Variants in TCN2 observed in about 807,000 individuals in gnomAD.
TCN2 encodes transcobalamin 2.
Under a neutral mutation model 48.6 loss-of-function variants are expected in TCN2, and 34 were observed. That is an observed-to-expected ratio of 0.70 (90% confidence interval 0.53 to 0.93). The LOEUF (loss-of-function observed/expected upper bound fraction) is 0.93. Ranked by LOEUF, TCN2 falls within the 40% of genes least tolerant of loss-of-function variation. The pLI is 0.00. For synonymous variants in TCN2, 283 were observed against 212.5 expected (o/e 1.33, Z -2.89); for missense variants, 652 against 526.1 (o/e 1.24, Z -2.34).
At chr22:30,614,556 C>A in intron 4 of TCN2, 55 bp downstream of exon 4, 1 of 1,610,532 alleles carries the variant, frequency 6.2e-7, no homozygotes, top group Non-Finnish European at 8.5e-7. Context: ...GTCCCCAGGT[C>A]TGCACTGATG....
At chr22:30,612,141 A>C (rs1012386169) in intron 2 of TCN2, among the ~76,000 whole-genome samples, 1 of 152,090 alleles carries the variant, frequency 6.6e-6, no homozygotes, top group Non-Finnish European at 1.5e-5. Context: ...ACTTCTCCGG[A>C]GGCAAAGGTG....
In TCN2 at chr22:30,626,772, C is replaced by T. The variant is rs2087817384; in HGVS notation, c.*251C>T. 1.7e-6 allele frequency: 1 copy of T among 589,566 alleles called. No homozygotes were observed. Among genetic ancestry groups the T allele is most frequent in the Non-Finnish European group, 3.0e-6 (1 of 329,146 alleles). 36.5% of individuals were successfully genotyped at this position (589,566 alleles called of 1,614,324 possible). On this transcript the variant is annotated 3_prime_UTR_variant, in exon 9 of 9. Transcript: ENST00000215838. Reference sequence around the variant, plus strand: ...GTCTGGCCAGCCTGGCCCTGCAGGTCTCCCATGAAGGCCACCCCATGGTCT... The same window carrying T: ...GTCTGGCCAGCCTGGCCCTGCAGGTTTCCCATGAAGGCCACCCCATGGTCT...
rs757170035 is a variant in TCN2, at chr22:30,612,929, T to C, written c.314T>C (p.Leu105Pro). 3 of 1,614,200 alleles carry C rather than the reference T, an allele frequency of 1.9e-6. No individual in the cohort carries two copies. The South Asian group carries it at 3.3e-5, about 18-fold the overall frequency. Residue 105 changes from leucine (L) to proline (P), a missense_variant, in exon 3 of 9, where the codon CTG becomes CCG. Transcript: ENST00000215838. ...CAGGGCAAGCCTTCCATGGGCCAGC[T>C]GGCCCTCTACCTGCTCGCTCTCAGA... The part of the protein sequence containing the change: ...DCQGKPSMGQ[L>P]ALYLLALRAN...
chr22:30,623,167 C>T (rs1484691797), intron 8 of TCN2, 84 bp downstream of exon 8: 41 of 1,343,026 alleles, frequency 3.1e-5, no homozygotes, highest in Non-Finnish European at 4.2e-5. Flanking sequence ...CCCCAGCTTT[C>T]CCTAGCACCC....
chr22:30,621,790 T>C (rs5753246), intron 7 of TCN2, among the ~76,000 whole-genome samples: 64,658 of 151,960 alleles, frequency 0.43, 13,960 homozygotes, highest in Non-Finnish European at 0.46. Context: ...GGCCTGACCC[T>C]GCTCTTTTGA....
rs558084644 is a variant in TCN2 at position 30,626,811 on chromosome 22, C to T, written c.*290C>T. 4 of 540,472 alleles carry T rather than the reference C, an allele frequency of 7.4e-6. No homozygotes were observed. Among genetic ancestry groups the T allele is most frequent in the South Asian group, 6.3e-5 (3 of 47,966 alleles). 33.5% of individuals were successfully genotyped at this position (540,472 alleles called of 1,614,324 possible). A position where few individuals can be genotyped will look rare whatever the true frequency, so the allele number is the denominator to read the frequency against. ...ACCCCATGGTCTGATGGGCATGAAG[C>T]ATCTCAGACTCCTTGGCAAAAAACG... On this transcript the variant is annotated 3_prime_UTR_variant, in exon 9 of 9. Coordinates refer to ENST00000215838, the MANE Select transcript of TCN2 (RefSeq NM_000355.4).
intron 7 of TCN2, among the ~76,000 whole-genome samples, chr22:30,622,629 AG>A (rs1569045423): frequency 6.6e-6 from 1 of 152,154 alleles, no homozygotes; most frequent in Non-Finnish European, 1.5e-5. Context: ...TACACATTCT[AG>A]GTGACACCAG....
At chr22:30,616,840 G>T (rs2087619045) in intron 6 of TCN2, among the ~76,000 whole-genome samples, 1 of 152,160 alleles carries the variant, frequency 6.6e-6, no homozygotes, top group African/African-American at 2.4e-5. Flanking sequence ...CCAAGAAGAG[G>T]CAGGAAGAAC....
intron 4 of TCN2, 118 bp from the exon 5 acceptor site, chr22:30,615,183 T>G: frequency 9.1e-7 from 1 of 1,100,680 alleles, no homozygotes; most frequent in Non-Finnish European, 1.4e-6. Flanking sequence ...CATGTTGCCC[T>G]TCTTCTCCAA....
chr22:30,623,156 A>AC, intron 8 of TCN2, 73 bp downstream of exon 8: 2 of 1,493,380 alleles, frequency 1.3e-6, no homozygotes, highest in Non-Finnish European at 1.9e-6. Flanking sequence ...TCATCAACTC[A>AC]CCCCAGCTTT....
intron 6 of TCN2, 73 bp from the exon 7 acceptor site, chr22:30,617,257 G>A: frequency 6.2e-7 from 1 of 1,603,200 alleles, no homozygotes; most frequent in Non-Finnish European, 8.5e-7. Flanking sequence ...TGTCCTTGAG[G>A]GAAGACAAGA....
chr22:30,621,299 T>C (rs1365260530), intron 7 of TCN2, among the ~76,000 whole-genome samples: 1 of 152,042 alleles, frequency 6.6e-6, no homozygotes, highest in Non-Finnish European at 1.5e-5. Context: ...CACCTGTGTT[T>C]CTTAAAACCA....
intron 8 of TCN2, among the ~76,000 whole-genome samples, chr22:30,625,801 C>T (rs1223449024): frequency 6.6e-6 from 1 of 152,140 alleles, no homozygotes; most frequent in African/African-American, 2.4e-5. Context: ...TGAGGCTCTA[C>T]TCTCATGACC....
At chr22:30,619,726 G>T (rs1049377038) in intron 7 of TCN2, among the ~76,000 whole-genome samples, 1 of 152,138 alleles carries the variant, frequency 6.6e-6, no homozygotes, top group Non-Finnish European at 1.5e-5. Context: ...TGGTTCCTTC[G>T]GGTCCTCTAG....
intron 2 of TCN2, among the ~76,000 whole-genome samples, chr22:30,611,533 C>T (rs116365548): frequency 0.019 from 2,945 of 152,330 alleles, 56 homozygotes; most frequent in African/African-American, 0.041. Flanking sequence ...TCTTTTCTTT[C>T]CTCTCACTCT....
intron 2 of TCN2, among the ~76,000 whole-genome samples, chr22:30,612,285 A>G (rs1310323584): frequency 1.3e-5 from 2 of 151,686 alleles, no homozygotes; most frequent in East Asian, 3.9e-4. Context: ...GTGGTGGCTC[A>G]CGCCTGTAAT....
chr22:30,623,314 A>G (rs953431664), intron 8 of TCN2: 25 of 532,812 alleles, frequency 4.7e-5, no homozygotes, highest in Non-Finnish European at 6.7e-5. Context: ...AAAAAAAACT[A>G]GAAGAAAATT....
At chr22:30,623,585 A>T (rs1272214294) in intron 8 of TCN2, among the ~76,000 whole-genome samples, 1 of 151,746 alleles carries the variant, frequency 6.6e-6, no homozygotes, top group Non-Finnish European at 1.5e-5. Flanking sequence ...GATACTTTTT[A>T]AAAATATGGC....
At chr22:30,607,524 G>A (rs1292069079) in intron 1 of TCN2, 129 bp downstream of exon 1, 1 of 853,544 alleles carries the variant, frequency 1.2e-6, no homozygotes, top group Non-Finnish European at 1.9e-6. Context: ...CTGGACCTCA[G>A]CATTTAACAC....
Sources: gnomAD v4.1 joint callset for allele counts (sites outside exome capture counted in the v4.1 genomes callset) on GRCh38, gnomAD v4.1.1 for gene constraint, MANE v1.5 for transcripts, NCBI Gene and HGNC (gene_info 2026-07-23, HGNC 2026-07-21) for gene names.